AGPS: variants seen among roughly 807,000 people sequenced by gnomAD.
The protein encoded by AGPS is alkylglycerone phosphate synthase, also known as alkyldihydroxyacetonephosphate synthase, peroxisomal.
Under a neutral mutation model 90.7 loss-of-function variants are expected in AGPS, and 26 were observed. The ratio of observed to expected loss-of-function variants is 0.29; its 90% confidence interval spans 0.21 to 0.40. The LOEUF (loss-of-function observed/expected upper bound fraction) is 0.40, where lower values mean the gene tolerates loss of function less well. Ranked by LOEUF, AGPS falls within the 10% of genes least tolerant of loss-of-function variation. The pLI, the probability that AGPS is intolerant of heterozygous loss-of-function variation, is 1.00. For missense variants in AGPS, 540 were observed against 816.1 expected (o/e 0.66, Z 4.12); for synonymous variants, 294 against 285.3 (o/e 1.03, Z -0.31).
At chr2:177,425,317 C>T (rs1686045618) in intron 2 of AGPS, among the ~76,000 whole-genome samples, 1 of 152,030 alleles carries the variant, frequency 6.6e-6, no homozygotes, top group Admixed American at 6.6e-5. Flanking sequence ...CTCCCAGCAC[C>T]ATTTATTAAA....
intron 16 of AGPS, among the ~76,000 whole-genome samples, chr2:177,510,541 T>C (rs150478315): frequency 1.8e-3 from 268 of 152,336 alleles, no homozygotes; most frequent in Admixed American, 4.8e-3. Flanking sequence ...ATTGACATCT[T>C]GTTTTTTTAT....
intron 1 of AGPS, among the ~76,000 whole-genome samples, chr2:177,409,204 A>T (rs1574344610): frequency 6.7e-6 from 1 of 148,488 alleles, no homozygotes; most frequent in East Asian, 2.0e-4. Context: ...AAACAAACCA[A>T]AAAAAACCCA....
intron 2 of AGPS, 62 bp downstream of exon 2, chr2:177,420,420 T>C (rs1442673303): frequency 1.1e-4 from 128 of 1,210,628 alleles, no homozygotes; most frequent in Middle Eastern, 7.7e-4. Flanking sequence ...TGAAAAATTT[T>C]AAACACACAT....
At chr2:177,537,776 G>A (rs1037193173) in intron 19 of AGPS, among the ~76,000 whole-genome samples, 2 of 151,970 alleles carry the variant, frequency 1.3e-5, no homozygotes, top group Admixed American at 6.6e-5. Context: ...CGAAATGCAC[G>A]TTTTTCTCAT....
chr2:177,516,021 G>A (rs959908214), intron 17 of AGPS, among the ~76,000 whole-genome samples: 7 of 152,092 alleles, frequency 4.6e-5, no homozygotes, highest in African/African-American at 1.7e-4. Flanking sequence ...CAGGTGCTAT[G>A]CTCACTACCT....
At chr2:177,396,943 T>TTTTTTCC (rs200041091) in intron 1 of AGPS, among the ~76,000 whole-genome samples, 15 of 113,532 alleles carry the variant, frequency 1.3e-4, no homozygotes, top group Non-Finnish European at 2.6e-4. Context: ...TTTTCTTTTC[T>TTTTTTCC]TTTTTTTTTT....
intron 7 of AGPS, among the ~76,000 whole-genome samples, chr2:177,443,233 A>G (rs1180069898): frequency 2.6e-5 from 4 of 152,222 alleles, no homozygotes; most frequent in South Asian, 4.1e-4. Flanking sequence ...GTTAGTCTAC[A>G]TTAAATTTTT....
rs554234577 is a variant in AGPS, at chr2:177,496,278, A to G, written c.1286-1411A>G. On this transcript the variant is annotated intron_variant, in intron 12 of 19. Transcript: ENST00000264167. Reference sequence around the variant, plus strand: ...AGTGAATCTTTTGTATAAAGAATAGATAATTTCAACTTCTGCCAAGAACAC... The same window carrying G: ...AGTGAATCTTTTGTATAAAGAATAGGTAATTTCAACTTCTGCCAAGAACAC... Among the ~76,000 whole-genome samples, 5 of 152,316 alleles carry G rather than the reference A, an allele frequency of 3.3e-5. No homozygotes were observed. In the South Asian group the frequency reaches 1.0e-3, roughly 32 times the overall value.
At chr2:177,424,550 AT>A (rs901771274) in intron 2 of AGPS, among the ~76,000 whole-genome samples, 3 of 152,172 alleles carry the variant, frequency 2.0e-5, no homozygotes, top group Non-Finnish European at 2.9e-5. Context: ...AAATTTTAAA[AT>A]CTTGAAACAG....
At chr2:177,430,290 G>A (rs1463570391) in intron 2 of AGPS, among the ~76,000 whole-genome samples, 2 of 152,228 alleles carry the variant, frequency 1.3e-5, no homozygotes, top group African/African-American at 2.4e-5. Context: ...GTGAGGTGCT[G>A]TGGAAGTGTG....
chr2:177,444,813 T>C (rs1686722275), intron 7 of AGPS, among the ~76,000 whole-genome samples: 1 of 152,176 alleles, frequency 6.6e-6, no homozygotes, highest in Non-Finnish European at 1.5e-5. Flanking sequence ...CTCTTAATAG[T>C]AGAAAGTAAT....
At chr2:177,435,205 A>G (rs1028190729) in intron 3 of AGPS, among the ~76,000 whole-genome samples, 1 of 151,918 alleles carries the variant, frequency 6.6e-6, no homozygotes, top group Non-Finnish European at 1.5e-5. Flanking sequence ...GTCTTATACA[A>G]TATTCTCCAC....
chr2:177,472,009 TC>T (rs1222542119), intron 10 of AGPS, among the ~76,000 whole-genome samples: 1 of 152,076 alleles, frequency 6.6e-6, no homozygotes, highest in East Asian at 1.9e-4. Context: ...GAGTTGATAG[TC>T]CTGGGTTATT....
intron 10 of AGPS, among the ~76,000 whole-genome samples, chr2:177,472,403 T>G (rs1013656521): frequency 1.3e-5 from 2 of 152,148 alleles, no homozygotes; most frequent in Non-Finnish European, 2.9e-5. Context: ...AGTCAGCTCT[T>G]GTTTCATTTC....
At chr2:177,440,934 GTAAT>G (rs1013522228) in intron 5 of AGPS, 27 bp from the exon 6 acceptor site, 2 of 1,574,682 alleles carry the variant, frequency 1.3e-6, no homozygotes, top group African/African-American at 2.7e-5. Flanking sequence ...TTATGCCTCT[GTAAT>G]TAATTTATTT....
chr2:177,436,679 T>G, intron 3 of AGPS, 85 bp from the exon 4 acceptor site: 1 of 1,355,964 alleles, frequency 7.4e-7, no homozygotes, highest in Middle Eastern at 2.6e-4. Flanking sequence ...AAAAAAAGTC[T>G]ACATTTTATA....
At chr2:177,449,879 C>G (rs1686885264) in intron 8 of AGPS, among the ~76,000 whole-genome samples, 1 of 150,910 alleles carries the variant, frequency 6.6e-6, no homozygotes, top group Admixed American at 6.6e-5. Context: ...GCTCTGTTGT[C>G]CAGGCTGGAG....
chr2:177,437,084 T>A, intron 5 of AGPS, 30 bp downstream of exon 5: 1 of 1,591,158 alleles, frequency 6.3e-7, no homozygotes, highest in East Asian at 2.2e-5. Context: ...TATCATTAAT[T>A]TAGTATTGCT....
intron 9 of AGPS, among the ~76,000 whole-genome samples, 193 bp from the exon 10 acceptor site, chr2:177,468,218 CTCTTT>C (rs1490733085): frequency 6.6e-6 from 1 of 152,004 alleles, no homozygotes; most frequent in Non-Finnish European, 1.5e-5. Context: ...TGGTTTTTCC[CTCTTT>C]TAAGGTTATA....
Sources: allele counts gnomAD v4.1 joint callset (sites outside exome capture counted in the v4.1 genomes callset), GRCh38; gene constraint gnomAD v4.1.1; transcripts MANE v1.5; gene names NCBI Gene and HGNC (gene_info 2026-07-23, HGNC 2026-07-21).